The following PDHA1 variants were observed in gnomAD, a reference collection of about 807,000 sequenced individuals.
PDHA1 encodes pyruvate dehydrogenase E1 subunit alpha 1, also known as pyruvate dehydrogenase E1 component subunit alpha, somatic form, mitochondrial.
In PDHA1, 1 loss-of-function variant was observed where a neutral mutation model predicts 33.0. The observed-to-expected ratio is 0.03, with a 90% confidence interval of 0.01 to 0.14. The LOEUF (loss-of-function observed/expected upper bound fraction) is 0.14. Ranked by LOEUF, PDHA1 falls within the 10% of genes least tolerant of loss-of-function variation. The pLI is 1.00. For missense variants in PDHA1, 168 were observed against 325.1 expected, an observed-to-expected ratio of 0.52 and a Z score of 3.72; for synonymous variants, 123 against 119.2, an observed-to-expected ratio of 1.03 and a Z score of -0.21.
At position 19,355,376 on chromosome X, in the gene PDHA1, G is replaced by A; in HGVS notation, c.631G>A (p.Ala211Thr). Reference sequence around the variant, plus strand: ...CCAGATATTCGAAGCTTACAACATGGCAGCTTTGTGGAAATTACCTTGTAT... The same window carrying A: ...CCAGATATTCGAAGCTTACAACATGACAGCTTTGTGGAAATTACCTTGTAT... ...QGQIFEAYNMAALWKLPCIFI... is the reference protein window; with the variant it reads ...QGQIFEAYNMTALWKLPCIFI... The change falls in exon 7 of 11, where the codon GCA becomes ACA. Residue 211 changes from alanine (A) to threonine (T), a missense_variant. This residue lies in a region of PDHA1 where 35 missense variants were observed against 148.5 expected (regional missense o/e 0.24). Coordinates refer to ENST00000422285, the MANE Select transcript of PDHA1 (RefSeq NM_000284.4). 1 of 1,211,363 alleles carries A rather than the reference G, an allele frequency of 8.3e-7. No individual in the cohort carries two copies. Among genetic ancestry groups the A allele is most frequent in the Non-Finnish European group, 1.1e-6 (1 of 894,958 alleles).
At chrX:19,349,519 G>A (rs1470673751) in intron 2 of PDHA1, 148 bp downstream of exon 2, 4 of 482,023 alleles carry the variant, frequency 8.3e-6, no homozygotes, top group Non-Finnish European at 1.4e-5. Context: ...GAAGCTTCAC[G>A]AAAACTAGAA....
In PDHA1 at chrX:19,355,521, T is replaced by C; in HGVS notation, c.759+17T>C. 3 of 1,193,077 alleles carry C rather than the reference T, an allele frequency of 2.5e-6. No homozygotes were observed. Among genetic ancestry groups the C allele is most frequent in the Non-Finnish European group, 3.4e-6 (3 of 892,934 alleles). On this transcript the variant is annotated intron_variant, in intron 7 of 10. Coordinates refer to ENST00000422285, the MANE Select transcript of PDHA1 (RefSeq NM_000284.4). ...GGGCTGAGAGTAAGGACACCTGTGG[T>C]GGGGCCGGGGCCAAGGCCAAGGCCA...
chrX:19,355,739 C>T lies in PDHA1; in HGVS notation c.813C>T (p.Ala271=), dbSNP rs1602228001. 8.3e-7 allele frequency: 1 copy of T among 1,204,383 alleles called. No individual in the cohort carries two copies. Among genetic ancestry groups the T allele is most frequent in the Non-Finnish European group, 1.1e-6 (1 of 888,744 alleles). Residue 271 remains alanine (A), a synonymous_variant, in exon 8 of 11, where the codon GCC becomes GCT. Coordinates refer to ENST00000422285, the MANE Select transcript of PDHA1 (RefSeq NM_000284.4). ...GAGAGGCAACAAGGTTTGCTGCTGC[C>T]TATTGTAGATCTGGGAAGGTAAGGC... The part of the protein sequence containing the change: ...CVREATRFAA[A]YCRSGKGPIL...
chrX:19,360,114 CTTTTGTAATCATTCCAA>C lies in PDHA1; in HGVS notation c.*475_*491del, dbSNP rs372190247. The C allele has an allele frequency of 1.1e-3, 162 of 144,517 alleles. No individual in the cohort carries two copies. Among genetic ancestry groups the C allele is most frequent in the Non-Finnish European group, 1.7e-3 (137 of 79,394 alleles). The allele number at this position is 144,517 out of a possible 1,213,427, so 11.9% of individuals were successfully genotyped here. A position where few individuals can be genotyped will look rare whatever the true frequency, so the allele number is the denominator to read the frequency against. ...AGGACAGTTCCATTTTAAAATAAGA[CTTTTGTAATCATTCCAA>C]TTTTGTAATCATTTCAAAGGCCACA... On this transcript the variant is annotated 3_prime_UTR_variant, in exon 11 of 11. Transcript: ENST00000422285.
chrX:19,356,297 T>G (rs990213668), intron 8 of PDHA1, among the ~76,000 whole-genome samples: 2 of 111,380 alleles, frequency 1.8e-5, no homozygotes, highest in Non-Finnish European at 3.8e-5. Flanking sequence ...GGCACTAGTA[T>G]AGGCTTAGGA....
Position 19,360,359 on chromosome X carries a change from T to G in PDHA1, c.*706T>G, listed in dbSNP as rs1030907395. ...CACCATTCCAGCAAGTGCTGAAGGG[T>G]GTACTTTTTTTGAGACAGGGTCGGG... On this transcript the variant is annotated 3_prime_UTR_variant, in exon 11 of 11. Transcript: ENST00000422285. The G allele has an allele frequency of 1.9e-5, 3 of 154,968 alleles. No individual in the cohort carries two copies. Among genetic ancestry groups the G allele is most frequent in the Non-Finnish European group, 3.6e-5 (3 of 82,517 alleles). The allele number at this position is 154,968 out of a possible 1,213,427, so 12.8% of individuals were successfully genotyped here. A position where few individuals can be genotyped will look rare whatever the true frequency, so the allele number is the denominator to read the frequency against.
intron 8 of PDHA1, among the ~76,000 whole-genome samples, chrX:19,356,645 T>C (rs1183095333): frequency 9.0e-6 from 1 of 111,575 alleles, no homozygotes. Flanking sequence ...AAAGAATACA[T>C]GGGGGCCAGC....
In PDHA1 at chrX:19,361,135, G is replaced by C; in HGVS notation, c.*1482G>C. On this transcript the variant is annotated 3_prime_UTR_variant, in exon 11 of 11. Coordinates refer to ENST00000422285, the MANE Select transcript of PDHA1 (RefSeq NM_000284.4). Reference sequence around the variant, plus strand: ...TCCCAGCCAGGCATTAATGGCAGGAGATTGGCCAGCTCTTCTCTGTCACAT... The same window carrying C: ...TCCCAGCCAGGCATTAATGGCAGGACATTGGCCAGCTCTTCTCTGTCACAT... 4.7e-6 allele frequency: 2 copies of C among 427,542 alleles called. No individual in the cohort carries two copies. The highest frequency in any genetic ancestry group is 7.5e-5 in the South Asian group (2 of 26,785). 35.2% of individuals were successfully genotyped at this position (427,542 alleles called of 1,213,427 possible). A position where few individuals can be genotyped will look rare whatever the true frequency, so the allele number is the denominator to read the frequency against.
rs750889669 is a variant in PDHA1 at position 19,355,314 on chromosome X, A to G, written c.604-35A>G. ...AGAGATGATGAAGCCTGGAGAAAGA[A>G]GCCAAATGAAACCCCTTTTCGTAAC... On this transcript the variant is annotated intron_variant, in intron 6 of 10. Transcript: ENST00000422285. 8 of 1,200,967 alleles carry G rather than the reference A, an allele frequency of 6.7e-6. No individual in the cohort carries two copies. The East Asian group carries it at 2.1e-4, about 31-fold the overall frequency.
At position 19,350,089 on chromosome X, in the gene PDHA1, C is replaced by T. The variant is rs2147174805; in HGVS notation, c.270C>T (p.Phe90=). ...ATAAACAGAAAATTATTCGTGGTTT[C>T]TGTCACTTGTGTGATGGTCAGGTGA... ...QLYKQKIIRG[F]CHLCDGQEAC... is the part of the protein sequence containing the mutation. Residue 90 remains phenylalanine, a synonymous_variant, in exon 3 of 11, where the codon TTC becomes TTT. Transcript: ENST00000422285. 8.3e-7 allele frequency: 1 copy of T among 1,205,670 alleles called. No individual in the cohort carries two copies. The highest frequency in any genetic ancestry group is 1.1e-6 in the Non-Finnish European group (1 of 890,054).
In PDHA1 at chrX:19,361,662, T is replaced by A; in HGVS notation, c.*2009T>A. On this transcript the variant is annotated 3_prime_UTR_variant, in exon 11 of 11. Coordinates refer to ENST00000422285, the MANE Select transcript of PDHA1 (RefSeq NM_000284.4). ...ACTCTTCAAAAGTAACCAGTTGGAT[T>A]AATAAATGATTCCAGAATGTAAATG... 1 of 722,593 alleles carries A rather than the reference T, an allele frequency of 1.4e-6. No individual in the cohort carries two copies. The allele number at this position is 722,593 out of a possible 1,213,427, so 59.5% of individuals were successfully genotyped here.
chrX:19,346,604 A>T lies in PDHA1; in HGVS notation c.57+2510A>T, dbSNP rs1050263814. ...CTCCCAAAGTGCTGGGATTACTCTCACTCTCTTAAAACCAGGCAGGTAGGG... is the reference window on the plus strand; with the variant it reads ...CTCCCAAAGTGCTGGGATTACTCTCTCTCTCTTAAAACCAGGCAGGTAGGG... On this transcript the variant is annotated intron_variant, in intron 1 of 10. Coordinates refer to ENST00000422285, the MANE Select transcript of PDHA1 (RefSeq NM_000284.4). 6.2e-6 allele frequency: 6 copies of T among 962,200 alleles called. No individual in the cohort carries two copies. The African/African-American group carries it at 1.2e-4, about 20-fold the overall frequency. The allele number at this position is 962,200 out of a possible 1,213,427, so 79.3% of individuals were successfully genotyped here. A position where few individuals can be genotyped will look rare whatever the true frequency, so the allele number is the denominator to read the frequency against.
At position 19,343,957 on chromosome X, in the gene PDHA1, C is replaced by T. The variant is rs2063113477; in HGVS notation, c.-81C>T. On this transcript the variant is annotated 5_prime_UTR_variant, in exon 1 of 11. Coordinates refer to ENST00000422285, the MANE Select transcript of PDHA1 (RefSeq NM_000284.4). ...GACTGAGGCGTGGCGTCTGCTGGGG[C>T]ACCTGAAGGAGACTTGGGGGCACCC... 1.1e-6 allele frequency: 1 copy of T among 893,254 alleles called. No individual in the cohort carries two copies. Among genetic ancestry groups the T allele is most frequent in the Non-Finnish European group, 1.6e-6 (1 of 613,373 alleles). 73.6% of individuals were successfully genotyped at this position (893,254 alleles called of 1,213,427 possible).
chrX:19,344,131 TG>T, intron 1 of PDHA1, 37 bp downstream of exon 1: 1 of 1,140,847 alleles, frequency 8.8e-7, no homozygotes. Flanking sequence ...GGGGCGCGAG[TG>T]GGGCTGAGGC....
At position 19,350,071 on chromosome X, in the gene PDHA1, G is replaced by A. The variant is rs144828838; in HGVS notation, c.252G>A (p.Gln84=). Residue 84 remains glutamine (Q), a synonymous_variant, in exon 3 of 11, where the codon CAG becomes CAA. Coordinates refer to ENST00000422285, the MANE Select transcript of PDHA1 (RefSeq NM_000284.4). ...TGAAAGCAGATCAGCTGTATAAACA[G>A]AAAATTATTCGTGGTTTCTGTCACT... is the stretch of plus-strand genomic sequence containing the variant. The part of the protein sequence containing the change: ...MELKADQLYK[Q]KIIRGFCHLC... 4.6e-5 allele frequency: 55 copies of A among 1,206,159 alleles called. No individual in the cohort carries two copies. In the African/African-American group the frequency reaches 8.8e-4, roughly 19 times the overall value.
chrX:19,361,686 T>C lies in PDHA1; in HGVS notation c.*2033T>C. ...TTAATAAATGATTCCAGAATGTAAATGTGATGTGAAAAAGAGATGAATTAA... is the reference window on the plus strand; with the variant it reads ...TTAATAAATGATTCCAGAATGTAAACGTGATGTGAAAAAGAGATGAATTAA... On this transcript the variant is annotated 3_prime_UTR_variant, in exon 11 of 11. Transcript: ENST00000422285. 1 of 611,482 alleles carries C rather than the reference T, an allele frequency of 1.6e-6. No individual in the cohort carries two copies. Among genetic ancestry groups the C allele is most frequent in the Non-Finnish European group, 2.6e-6 (1 of 382,878 alleles). 50.4% of individuals were successfully genotyped at this position (611,482 alleles called of 1,213,427 possible). A position where few individuals can be genotyped will look rare whatever the true frequency, so the allele number is the denominator to read the frequency against.
At chrX:19,349,445 A>T in intron 2 of PDHA1, 74 bp downstream of exon 2, 1 of 645,118 alleles carries the variant, frequency 1.6e-6, no homozygotes, top group Non-Finnish European at 2.6e-6. Context: ...TTTAGAATAG[A>T]ACATTTTGAT....
Position 19,359,883 on chromosome X carries a change from A to C in PDHA1, c.*230A>C, listed in dbSNP as rs1354253952. Reference sequence around the variant, plus strand: ...TTTGACTTAAAATAGTATACTTTGAACAAATACTCTAATTATGAAAAGGAA... The same window carrying C: ...TTTGACTTAAAATAGTATACTTTGACCAAATACTCTAATTATGAAAAGGAA... On this transcript the variant is annotated 3_prime_UTR_variant, in exon 11 of 11. Transcript: ENST00000422285. 7.1e-6 allele frequency: 3 copies of C among 422,555 alleles called. No homozygotes were observed. The highest frequency in any genetic ancestry group is 1.3e-5 in the Non-Finnish European group (3 of 239,774). The allele number at this position is 422,555 out of a possible 1,213,427, so 34.8% of individuals were successfully genotyped here. A position where few individuals can be genotyped will look rare whatever the true frequency, so the allele number is the denominator to read the frequency against.
chrX:19,345,715 GTTCA>G, intron 1 of PDHA1: 1 of 272,232 alleles, frequency 3.7e-6, no homozygotes. Context: ...TGCAAGTCAG[GTTCA>G]TTGTTTCCTG....
Sources: gnomAD v4.1 joint callset for allele counts (sites outside exome capture counted in the v4.1 genomes callset) on GRCh38, gnomAD v4.1.1 for gene constraint, gnomAD v4.1.1 regional missense constraint, MANE v1.5 for transcripts, NCBI Gene and HGNC (gene_info 2026-07-23, HGNC 2026-07-21) for gene names.